Variants in TOR1B observed in about 807,000 individuals in gnomAD.
The protein encoded by TOR1B is torsin-1B.
Under a neutral mutation model 29.2 loss-of-function variants are expected in TOR1B, and 14 were observed. The observed-to-expected ratio is 0.48, with a 90% confidence interval of 0.32 to 0.75. The LOEUF is 0.75. TOR1B is among the 30% of genes least tolerant of loss of function. The probability of loss-of-function intolerance (pLI) is 0.04; values close to 1 mark genes in which losing one functional copy is unlikely to be tolerated. For synonymous variants in TOR1B, 166 were observed against 179.8 expected, an observed-to-expected ratio of 0.92 and a Z score of 0.62; for missense variants, 400 against 433.9, an observed-to-expected ratio of 0.92 and a Z score of 0.69.
chr9:129,804,195 C>A lies in TOR1B; in HGVS notation c.322C>A (p.His108Asn), dbSNP rs2030335207. 6.2e-7 allele frequency: 1 copy of A among 1,614,220 alleles called. No homozygotes were observed. Among genetic ancestry groups the A allele is most frequent in the South Asian group, 1.1e-5 (1 of 91,090 alleles). ...NPKKPLTLSL[H>N]GWAGTGKNFV... ...CAAGAAACCACTGACCCTTTCCTTA[C>A]ACGGCTGGGCTGGCACAGGCAAGAA... Residue 108 changes from histidine (H) to asparagine (N), a missense_variant, in exon 2 of 5, where the codon CAC becomes AAC. His to Asn is a moderately conservative substitution (Grantham distance 68). Transcript: ENST00000259339.
At chr9:129,809,183 C>CAGTG in intron 4 of TOR1B, 151 bp downstream of exon 4, 1 of 1,513,328 alleles carries the variant, frequency 6.6e-7, no homozygotes, top group Non-Finnish European at 8.8e-7. Flanking sequence ...TGCTAGAAAC[C>CAGTG]AGTGAGTGAG....
Position 129,810,105 on chromosome 9 carries a change from A to G in TOR1B, c.*522A>G, listed in dbSNP as rs2030758463. 3.9e-6 allele frequency: 5 copies of G among 1,290,954 alleles called. No homozygotes were observed. Among genetic ancestry groups the G allele is most frequent in the Non-Finnish European group, 4.1e-6 (4 of 979,732 alleles). The allele number at this position is 1,290,954 out of a possible 1,614,324, so 80.0% of individuals were successfully genotyped here. Reference sequence around the variant, plus strand: ...CGCCTCAGAAGCTACGGTCACAACTAAAGGAGTCCAGGGACTTGCTGCAGG... The same window carrying G: ...CGCCTCAGAAGCTACGGTCACAACTGAAGGAGTCCAGGGACTTGCTGCAGG... On this transcript the variant is annotated 3_prime_UTR_variant, in exon 5 of 5. Transcript: ENST00000259339.
At chr9:129,805,446 T>C (rs1404692000) in intron 2 of TOR1B, among the ~76,000 whole-genome samples, 1 of 149,422 alleles carries the variant, frequency 6.7e-6, no homozygotes, top group African/African-American at 2.5e-5. Context: ...AAAAAAAAGA[T>C]GGAGCCTGGA....
In TOR1B at chr9:129,809,309, T is replaced by C. The variant is rs767112488; in HGVS notation, c.770-33T>C. The C allele has an allele frequency of 7.4e-6, 12 of 1,612,084 alleles. No individual in the cohort carries two copies. In the South Asian group the frequency reaches 1.3e-4, roughly 18 times the overall value. On this transcript the variant is annotated intron_variant, in intron 4 of 4. Transcript: ENST00000259339. ...CTGGAGCTTGGCCAGGTGGCGGTGGTGGCAGGAAACCCAGCTGTGTCTTGT... is the reference window on the plus strand; with the variant it reads ...CTGGAGCTTGGCCAGGTGGCGGTGGCGGCAGGAAACCCAGCTGTGTCTTGT...
Position 129,810,290 on chromosome 9 carries a change from G to A in TOR1B, c.*707G>A, listed in dbSNP as rs1296147386. The A allele has an allele frequency of 1.5e-5, 19 of 1,303,324 alleles. No homozygotes were observed. The highest frequency in any genetic ancestry group is 4.6e-5 in the African/African-American group (3 of 65,590). 80.7% of individuals were successfully genotyped at this position (1,303,324 alleles called of 1,614,324 possible). A position where few individuals can be genotyped will look rare whatever the true frequency, so the allele number is the denominator to read the frequency against. On this transcript the variant is annotated 3_prime_UTR_variant, in exon 5 of 5. Transcript: ENST00000259339. ...CTGGAGGTGCAGACGGTGTCTGACC[G>A]GAGGATGTGGCCGTGCCCGCCGAGC...
chr9:129,804,163 A>C lies in TOR1B; in HGVS notation c.290A>C (p.Lys97Thr). ...FKALTGFRNNKNPKKPLTLSL... is the reference protein window; with the variant it reads ...FKALTGFRNNTNPKKPLTLSL... ...GCGCTGACTGGCTTCAGGAACAACA[A>C]AAATCCCAAGAAACCACTGACCCTT... Residue 97 changes from lysine (K) to threonine (T), a missense_variant, in exon 2 of 5, where the codon AAA becomes ACA. Physicochemically the swap from Lys to Thr is moderately conservative, Grantham distance 78. Coordinates refer to ENST00000259339, the MANE Select transcript of TOR1B (RefSeq NM_014506.3). The C allele has an allele frequency of 6.2e-7, 1 of 1,614,248 alleles. No homozygotes were observed.
intron 2 of TOR1B, 94 bp from the exon 3 acceptor site, chr9:129,807,094 G>T: frequency 7.9e-7 from 1 of 1,272,802 alleles, no homozygotes; most frequent in South Asian, 1.4e-5. Context: ...CTCTGACCTC[G>T]TCCTTCAGTG....
At chr9:129,804,041 T>G (rs1211296995) in intron 1 of TOR1B, 32 bp from the exon 2 acceptor site, 4 of 1,611,180 alleles carry the variant, frequency 2.5e-6, no homozygotes. Context: ...TTAAGGTCTG[T>G]TTCTCTCTTT....
chr9:129,803,427 G>C lies in TOR1B; in HGVS notation c.199+16G>C, dbSNP rs537599585. 138 of 1,502,198 alleles carry C rather than the reference G, an allele frequency of 9.2e-5. No individual in the cohort carries two copies. The East Asian group carries it at 3.6e-3, about 39-fold the overall frequency. The allele number at this position is 1,502,198 out of a possible 1,614,324, so 93.1% of individuals were successfully genotyped here. A position where few individuals can be genotyped will look rare whatever the true frequency, so the allele number is the denominator to read the frequency against. On this transcript the variant is annotated intron_variant, in intron 1 of 4. Transcript: ENST00000259339. ...AACGCTTCGGGTACGGCGCGCGCGCGAGCTGTGGGTCGGCGCTGCGGGGGG... is the reference window on the plus strand; with the variant it reads ...AACGCTTCGGGTACGGCGCGCGCGCCAGCTGTGGGTCGGCGCTGCGGGGGG...
chr9:129,804,836 CAAAAAAAAA>C (rs34803368), intron 2 of TOR1B, among the ~76,000 whole-genome samples: 1 of 50,378 alleles, frequency 2.0e-5, no homozygotes, highest in African/African-American at 7.3e-5. Flanking sequence ...TACTCGGTCT[CAAAAAAAAA>C]AAAAAAAAAA....
At chr9:129,804,816 C>T (rs1221444857) in intron 2 of TOR1B, among the ~76,000 whole-genome samples, 5 of 126,204 alleles carry the variant, frequency 4.0e-5, no homozygotes, top group African/African-American at 6.3e-5. Context: ...GAGCTGAGAT[C>T]GCGCCACCGT....
At position 129,810,599 on chromosome 9, in the gene TOR1B, A is replaced by C; in HGVS notation, c.*1016A>C. 1 of 259,602 alleles carries C rather than the reference A, an allele frequency of 3.9e-6. No individual in the cohort carries two copies. The highest frequency in any genetic ancestry group is 6.8e-6 in the Non-Finnish European group (1 of 147,992). The allele number at this position is 259,602 out of a possible 1,614,324, so 16.1% of individuals were successfully genotyped here. A position where few individuals can be genotyped will look rare whatever the true frequency, so the allele number is the denominator to read the frequency against. ...CTTTGAATTTGAGTCGTTGGTTCCCATGGTGAGATGCTTGTTAAGACTTTA... is the reference window on the plus strand; with the variant it reads ...CTTTGAATTTGAGTCGTTGGTTCCCCTGGTGAGATGCTTGTTAAGACTTTA... On this transcript the variant is annotated 3_prime_UTR_variant, in exon 5 of 5. Coordinates refer to ENST00000259339, the MANE Select transcript of TOR1B (RefSeq NM_014506.3).
In TOR1B at chr9:129,810,369, C is replaced by A; in HGVS notation, c.*786C>A. The A allele has an allele frequency of 7.9e-7, 1 of 1,259,134 alleles. No individual in the cohort carries two copies. 78.0% of individuals were successfully genotyped at this position (1,259,134 alleles called of 1,614,324 possible). On this transcript the variant is annotated 3_prime_UTR_variant, in exon 5 of 5. Transcript: ENST00000259339. ...TGTGTGTGGGGGGGTGGGGCCTTCA[C>A]CTAAGACCTCTGCAGCAGACCTGGA...
At chr9:129,808,543 CTTTTTTTTTTTTT>C (rs763409733) in intron 3 of TOR1B, among the ~76,000 whole-genome samples, 5 of 77,806 alleles carry the variant, frequency 6.4e-5, no homozygotes, top group African/African-American at 2.4e-4. Context: ...ACACAGAAGT[CTTTTTTTTTTTTT>C]TTTTTTTTTT....
intron 3 of TOR1B, among the ~76,000 whole-genome samples, chr9:129,808,210 A>G (rs1407822471): frequency 1.3e-5 from 2 of 151,962 alleles, no homozygotes; most frequent in African/African-American, 2.4e-5. Context: ...TGAAAAATAG[A>G]TCTTCGGCCG....
In TOR1B at chr9:129,804,058, G is replaced by A. The variant is rs1200170384; in HGVS notation, c.200-15G>A. 6.2e-7 allele frequency: 1 copy of A among 1,613,538 alleles called. No homozygotes were observed. The highest frequency in any genetic ancestry group is 1.7e-5 in the Admixed American group (1 of 59,950). On this transcript the variant is annotated splice_polypyrimidine_tract_variant and intron_variant, in intron 1 of 4. Coordinates refer to ENST00000259339, the MANE Select transcript of TOR1B (RefSeq NM_014506.3). ...AAGGTCTGTTTCTCTCTTTGTTCTG[G>A]GGCTGTTCTTGCAGCTCTCAAGCTG... is the stretch of plus-strand genomic sequence containing the variant.
chr9:129,804,136 A>C lies in TOR1B; in HGVS notation c.263A>C (p.Lys88Thr). ...GQHLATEVIFKALTGFRNNKN... is the reference protein window; with the variant it reads ...GQHLATEVIFTALTGFRNNKN... ...CATCTAGCCACGGAAGTGATTTTCA[A>C]GGCGCTGACTGGCTTCAGGAACAAC... The change falls in exon 2 of 5, where the codon AAG becomes ACG. Residue 88 changes from lysine (K) to threonine (T), a missense_variant. Physicochemically the swap from Lys to Thr is moderately conservative, Grantham distance 78 (BLOSUM62 -1). Transcript: ENST00000259339. 6.2e-7 allele frequency: 1 copy of C among 1,614,220 alleles called. No individual in the cohort carries two copies. The highest frequency in any genetic ancestry group is 1.1e-5 in the South Asian group (1 of 91,090).
intron 1 of TOR1B, among the ~76,000 whole-genome samples, chr9:129,803,713 C>T (rs1325515731): frequency 6.6e-6 from 1 of 152,248 alleles, no homozygotes; most frequent in Non-Finnish European, 1.5e-5. Context: ...CCCTTCTGCG[C>T]CCTGCCAACC....
intron 3 of TOR1B, among the ~76,000 whole-genome samples, chr9:129,807,885 A>G (rs543580484): frequency 6.6e-6 from 1 of 151,364 alleles, no homozygotes; most frequent in South Asian, 2.1e-4. Context: ...ATAGCAGGCA[A>G]TTTTAGCTGG....
Sources: gnomAD v4.1 joint callset for allele counts (sites outside exome capture counted in the v4.1 genomes callset) on GRCh38, gnomAD v4.1.1 for gene constraint, MANE v1.5 for transcripts, NCBI Gene and HGNC (gene_info 2026-07-23, HGNC 2026-07-21) for gene names.